XXYLT1: variants seen among roughly 807,000 people sequenced by gnomAD.
XXYLT1 encodes the protein xyloside xylosyltransferase 1, also known as UDP-xylose:alpha-xyloside alpha-1,3-xylosyltransferase.
In XXYLT1, 20 loss-of-function variants were observed where a neutral mutation model predicts 28.9. The observed-to-expected ratio is 0.69, with a 90% CI of 0.49 to 1.00. XXYLT1 has a LOEUF of 1.00. XXYLT1 is among the 50% of genes least tolerant of loss of function. XXYLT1 has a pLI of 0.00. For missense variants in XXYLT1, 542 were observed against 560.1 expected (o/e 0.97, Z 0.33); for synonymous variants, 257 against 253.8 (o/e 1.01, Z -0.12).
At chr3:195,121,546 T>C (rs761141456) in intron 3 of XXYLT1, among the ~76,000 whole-genome samples, 3 of 152,136 alleles carry the variant, frequency 2.0e-5, no homozygotes, top group Non-Finnish European at 4.4e-5. Context: ...GACGTTCTCA[T>C]CTTTTCTGCC....
intron 3 of XXYLT1, among the ~76,000 whole-genome samples, chr3:195,107,221 C>T (rs144439848): frequency 3.6e-3 from 546 of 152,042 alleles, no homozygotes; most frequent in African/African-American, 0.012. Flanking sequence ...CGCCTGGAAT[C>T]CCAGCACTTT....
At chr3:195,117,771 G>A (rs1718124587) in intron 3 of XXYLT1, among the ~76,000 whole-genome samples, 1 of 152,182 alleles carries the variant, frequency 6.6e-6, no homozygotes. Flanking sequence ...GTCACTACAG[G>A]ACACTGTGGA....
chr3:195,074,305 C>T (rs995273164), intron 3 of XXYLT1, among the ~76,000 whole-genome samples: 26 of 152,202 alleles, frequency 1.7e-4, no homozygotes, highest in South Asian at 2.1e-4. Flanking sequence ...CACACGGCCT[C>T]GCAAGGCGTA....
In XXYLT1 at chr3:195,265,231, G is replaced by A. The variant is rs11920659; in HGVS notation, c.504+5324C>T. On this transcript the variant is annotated intron_variant, in intron 1 of 3. Coordinates refer to ENST00000310380, the MANE Select transcript of XXYLT1 (RefSeq NM_152531.5). ...CTAAAAATACAAAAATTATGTGGGC[G>A]TAGTGGCAGGCACCTGTAATCCCAG... Among the ~76,000 whole-genome samples the A allele has an allele frequency of 3.9e-3, 589 of 152,074 alleles. 2 individuals are homozygous for A. The highest frequency in any genetic ancestry group is 0.013 in the African/African-American group (548 of 41,522).
intron 2 of XXYLT1, among the ~76,000 whole-genome samples, chr3:195,201,382 CA>C (rs1722842858): frequency 6.6e-6 from 1 of 152,236 alleles, no homozygotes; most frequent in Admixed American, 6.5e-5. Flanking sequence ...ACATTCCTTA[CA>C]GCTGCCTGTG....
At chr3:195,188,569 T>A (rs1419795562) in intron 2 of XXYLT1, among the ~76,000 whole-genome samples, 1 of 152,246 alleles carries the variant, frequency 6.6e-6, no homozygotes, top group Non-Finnish European at 1.5e-5. Flanking sequence ...CTGCTGCTGC[T>A]GTGTACTGGC....
intron 3 of XXYLT1, among the ~76,000 whole-genome samples, chr3:195,149,780 T>C (rs893272996): frequency 6.6e-6 from 1 of 152,342 alleles, no homozygotes; most frequent in Middle Eastern, 3.4e-3. Context: ...CTTACAATGT[T>C]TAGGGTAAAG....
Position 195,248,001 on chromosome 3 carries a change from ATT to A in XXYLT1, c.505-21147_505-21146del, listed in dbSNP as rs1387085219. ...CTTCCTCTGACACGTGGGGATTACA[ATT>A]TGAGGTGAGATTTGGGTGGAGACAC... On this transcript the variant is annotated intron_variant, in intron 1 of 3. Transcript: ENST00000310380. 3 of 533,064 alleles carry A rather than the reference ATT, an allele frequency of 5.6e-6. No individual in the cohort carries two copies. The African/African-American group carries it at 5.9e-5, about 10-fold the overall frequency. The allele number at this position is 533,064 out of a possible 1,614,324, so 33.0% of individuals were successfully genotyped here. A position where few individuals can be genotyped will look rare whatever the true frequency, so the allele number is the denominator to read the frequency against.
intron 3 of XXYLT1, chr3:195,147,896 G>A (rs1184262408): frequency 2.0e-5 from 3 of 152,226 alleles, no homozygotes; most frequent in African/African-American, 4.8e-5. Flanking sequence ...TTTTAAAAAC[G>A]GATTCAGTAG....
chr3:195,270,822 C>T lies in XXYLT1; in HGVS notation c.237G>A (p.Ala79=). The T allele has an allele frequency of 1.4e-6, 2 of 1,481,350 alleles. No homozygotes were observed. Among genetic ancestry groups the T allele is most frequent in the South Asian group, 2.6e-5 (2 of 76,516 alleles). The allele number at this position is 1,481,350 out of a possible 1,614,324, so 91.8% of individuals were successfully genotyped here. A position where few individuals can be genotyped will look rare whatever the true frequency, so the allele number is the denominator to read the frequency against. ...PALELARGSV[A]PAPGAKAKSL... ...TCTTGGCCTTCGCGCCGGGGGCTGG[C>T]GCCACGGAGCCCCGCGCTAGCTCCA... Residue 79 remains alanine (A), a synonymous_variant, in exon 1 of 4, where the codon GCG becomes GCA. Transcript: ENST00000310380.
At chr3:195,230,092 A>G (rs1194800041) in intron 1 of XXYLT1, among the ~76,000 whole-genome samples, 1 of 152,158 alleles carries the variant, frequency 6.6e-6, no homozygotes, top group South Asian at 2.1e-4. Context: ...GAGTGAGATG[A>G]TATCTCATTG....
intron 1 of XXYLT1, among the ~76,000 whole-genome samples, chr3:195,254,575 C>T (rs985345187): frequency 1.3e-5 from 2 of 152,220 alleles, no homozygotes; most frequent in Non-Finnish European, 2.9e-5. Flanking sequence ...ACCTGGGCAT[C>T]CAGGCAACAG....
In XXYLT1 at chr3:195,255,884, C is replaced by G. The variant is rs1725458622; in HGVS notation, c.504+14671G>C. ...GCAGCTAAATGAGGGAGGTGGGGCTCCAACATCTCAGCCTGTAAATCCCAC... is the reference window on the plus strand; with the variant it reads ...GCAGCTAAATGAGGGAGGTGGGGCTGCAACATCTCAGCCTGTAAATCCCAC... On this transcript the variant is annotated intron_variant, in intron 1 of 3. Coordinates refer to ENST00000310380, the MANE Select transcript of XXYLT1 (RefSeq NM_152531.5). The surrounding 1 kb of genome is among the most constrained non-coding windows in gnomAD (Gnocchi z 4.5). 6.6e-6 allele frequency among the ~76,000 whole-genome samples: 1 copy of G among 152,180 alleles called. No homozygotes were observed.
intron 3 of XXYLT1, among the ~76,000 whole-genome samples, chr3:195,088,144 A>G (rs1715872184): frequency 6.8e-6 from 1 of 147,084 alleles, no homozygotes; most frequent in South Asian, 2.2e-4. Flanking sequence ...GATTAGGTAA[A>G]CAAAGCAGCC....
intron 3 of XXYLT1, among the ~76,000 whole-genome samples, chr3:195,085,108 C>T (rs1309162522): frequency 6.6e-6 from 1 of 152,232 alleles, no homozygotes; most frequent in African/African-American, 2.4e-5. Flanking sequence ...TTACAGTGCT[C>T]TAAATCCTCT....
chr3:195,193,461 A>G (rs1403302744), intron 2 of XXYLT1, among the ~76,000 whole-genome samples: 1 of 152,212 alleles, frequency 6.6e-6, no homozygotes, highest in African/African-American at 2.4e-5. Flanking sequence ...AACACCGTCA[A>G]GATGGGAATT....
rs1009815739 is a variant in XXYLT1, at chr3:195,240,276, C to T, written c.505-13420G>A. On this transcript the variant is annotated intron_variant, in intron 1 of 3. Transcript: ENST00000310380. This position sits in a 1 kb window ranked among gnomAD's most constrained non-coding sequence, Gnocchi z 4.7. ...TCTACCATGCACAGCAAACTCAACA[C>T]TTGTGATGCAGGGAGGCTGAAGCAT... is the stretch of plus-strand genomic sequence containing the variant. Among the ~76,000 whole-genome samples, 11 of 152,188 alleles carry T rather than the reference C, an allele frequency of 7.2e-5. No homozygotes were observed. The highest frequency in any genetic ancestry group is 2.4e-4 in the African/African-American group (10 of 41,460).
At chr3:195,079,486 G>A (rs528950177) in intron 3 of XXYLT1, among the ~76,000 whole-genome samples, 19 of 142,212 alleles carry the variant, frequency 1.3e-4, no homozygotes, top group Admixed American at 1.1e-3. Context: ...ATTTAGTGAG[G>A]ACTTACTATG....
intron 1 of XXYLT1, 40 bp from the exon 2 acceptor site, chr3:195,226,896 G>C (rs1350763085): frequency 1.2e-6 from 2 of 1,603,924 alleles, no homozygotes; most frequent in East Asian, 2.2e-5. Flanking sequence ...CAGCAAACCA[G>C]TTCTCACTGC....
Sources: gnomAD v4.1 joint callset for allele counts (sites outside exome capture counted in the v4.1 genomes callset) on GRCh38, gnomAD v4.1.1 for gene constraint, Gnocchi (gnomAD v3.1) non-coding constraint, MANE v1.5 for transcripts, NCBI Gene and HGNC (gene_info 2026-07-23, HGNC 2026-07-21) for gene names.